Variants in CELF4 observed in about 807,000 individuals in gnomAD.
CELF4 encodes the protein CUGBP Elav-like family member 4, also known as CUG-BP- and ETR-3-like factor 4.
Under a neutral mutation model 59.9 loss-of-function variants are expected in CELF4, and 18 were observed. That is an observed-to-expected ratio of 0.30 (90% CI 0.21 to 0.45). CELF4 has a LOEUF of 0.45. Among genes scored for constraint, CELF4 ranks in the 20% least tolerant of loss-of-function variants. The pLI, the probability that CELF4 is intolerant of heterozygous loss-of-function variation, is 1.00. For synonymous variants in CELF4, 261 were observed against 267.1 expected, an observed-to-expected ratio of 0.98 and a Z score of 0.22; for missense variants, 456 against 689.0, an observed-to-expected ratio of 0.66 and a Z score of 3.79.
chr18:37,460,846 C>T (rs1219100070), intron 2 of CELF4, among the ~76,000 whole-genome samples: 2 of 152,198 alleles, frequency 1.3e-5, no homozygotes, highest in African/African-American at 4.8e-5. Flanking sequence ...GCATCAACAC[C>T]AAGTAACAGC....
chr18:37,533,109 C>T (rs2099970834), intron 1 of CELF4, among the ~76,000 whole-genome samples: 1 of 152,264 alleles, frequency 6.6e-6, no homozygotes, highest in Non-Finnish European at 1.5e-5. Context: ...CCCAGCCACT[C>T]CAGATACCAT....
At chr18:37,278,047 A>T (rs1239741985) in intron 3 of CELF4, among the ~76,000 whole-genome samples, 1 of 151,794 alleles carries the variant, frequency 6.6e-6, no homozygotes. Flanking sequence ...ATTCATCCAC[A>T]TGTGCCTTTC....
intron 2 of CELF4, among the ~76,000 whole-genome samples, chr18:37,349,412 G>C (rs1376887179): frequency 3.3e-5 from 5 of 152,234 alleles, no homozygotes; most frequent in Non-Finnish European, 7.3e-5. Flanking sequence ...ACCGTGGCTG[G>C]ATTCTTTCTG....
chr18:37,406,488 T>C (rs908212599), intron 2 of CELF4, among the ~76,000 whole-genome samples: 2 of 152,100 alleles, frequency 1.3e-5, no homozygotes, highest in Non-Finnish European at 2.9e-5. Context: ...AGAGGGTGAA[T>C]GTGCTGCTGG....
intron 3 of CELF4, among the ~76,000 whole-genome samples, chr18:37,282,399 C>CA (rs1425400770): frequency 6.6e-6 from 1 of 152,206 alleles, no homozygotes; most frequent in Non-Finnish European, 1.5e-5. Flanking sequence ...AGCATCCCTA[C>CA]ATGGCATTTC....
chr18:37,563,512 G>A (rs199872726), intron 1 of CELF4, among the ~76,000 whole-genome samples: 2 of 152,190 alleles, frequency 1.3e-5, no homozygotes, highest in East Asian at 3.9e-4. Context: ...ACCTTGATTA[G>A]CTTCTAGGAA....
intron 2 of CELF4, among the ~76,000 whole-genome samples, chr18:37,441,977 A>ACCCT (rs1294118232): frequency 1.7e-4 from 22 of 127,832 alleles, no homozygotes; most frequent in African/African-American, 6.6e-4. Flanking sequence ...AACCGCAAAG[A>ACCCT]ACCTAGATGA....
chr18:37,537,500 C>T (rs1446993828), intron 1 of CELF4, among the ~76,000 whole-genome samples: 14 of 152,136 alleles, frequency 9.2e-5, no homozygotes, highest in Non-Finnish European at 1.2e-4. Flanking sequence ...AGTTCCCGGT[C>T]GGGTCTCTGT....
At position 37,270,750 on chromosome 18, in the gene CELF4, G is replaced by T; in HGVS notation, c.1099+18C>A. ...GAATGTGCTGCATACGGAAATAAGT[G>T]CTGACAGATGTGCTTACCTGGGTAG... On this transcript the variant is annotated intron_variant, in intron 8 of 12. Coordinates refer to ENST00000420428, the MANE Select transcript of CELF4 (RefSeq NM_020180.4). The T allele has an allele frequency of 6.2e-7, 1 of 1,613,658 alleles. No homozygotes were observed. The highest frequency in any genetic ancestry group is 8.5e-7 in the Non-Finnish European group (1 of 1,179,824).
chr18:37,559,757 C>G (rs1304969092), intron 1 of CELF4, among the ~76,000 whole-genome samples: 2 of 152,198 alleles, frequency 1.3e-5, no homozygotes, highest in Admixed American at 1.3e-4. Flanking sequence ...AGAAGCCCCT[C>G]TTCCCTCCTG....
At chr18:37,525,723 A>T (rs1034180432) in intron 1 of CELF4, among the ~76,000 whole-genome samples, 5 of 152,130 alleles carry the variant, frequency 3.3e-5, no homozygotes, top group Non-Finnish European at 7.3e-5. Context: ...ATGAACATTT[A>T]CATTGATCAG....
At chr18:37,466,559 T>C (rs766319032) in intron 2 of CELF4, among the ~76,000 whole-genome samples, 76 of 152,294 alleles carry the variant, frequency 5.0e-4, no homozygotes, top group South Asian at 1.0e-3. Context: ...AAAGTGGGTC[T>C]GGTCCCAAGG....
At chr18:37,516,159 C>A (rs1022707493) in intron 1 of CELF4, among the ~76,000 whole-genome samples, 1 of 152,200 alleles carries the variant, frequency 6.6e-6, no homozygotes, top group African/African-American at 2.4e-5. Context: ...TTACTGGCTT[C>A]TCATCATCCT....
chr18:37,350,738 T>A, intron 2 of CELF4, among the ~76,000 whole-genome samples: 1 of 152,194 alleles, frequency 6.6e-6, no homozygotes, highest in East Asian at 1.9e-4. Context: ...TCTCTCCGAG[T>A]CTAGCAGGCT....
intron 2 of CELF4, among the ~76,000 whole-genome samples, chr18:37,403,057 A>C (rs2099348464): frequency 6.6e-6 from 1 of 151,438 alleles, no homozygotes; most frequent in African/African-American, 2.4e-5. Flanking sequence ...GAGGGCTGGG[A>C]GGAAGGGAAG....
Position 37,273,391 on chromosome 18 carries a change from T to G in CELF4, c.802-228A>C. 4 of 1,284,772 alleles carry G rather than the reference T, an allele frequency of 3.1e-6. No homozygotes were observed. In the South Asian group the frequency reaches 9.8e-5, roughly 31 times the overall value. The allele number at this position is 1,284,772 out of a possible 1,614,324, so 79.6% of individuals were successfully genotyped here. On this transcript the variant is annotated intron_variant, in intron 6 of 12. Transcript: ENST00000420428. ...TATTTAAAAGTAATGCTAGGGTCTT[T>G]GGAACTCCAAAGTTGTTGCTAGGGG... is the stretch of plus-strand genomic sequence containing the variant.
At chr18:37,419,126 T>C (rs1024198879) in intron 2 of CELF4, among the ~76,000 whole-genome samples, 62 of 152,160 alleles carry the variant, frequency 4.1e-4, no homozygotes, top group African/African-American at 1.5e-3. Flanking sequence ...CCTCTCTATT[T>C]CCTCAGCACC....
chr18:37,389,233 A>C (rs1020407983), intron 2 of CELF4, among the ~76,000 whole-genome samples: 1 of 152,092 alleles, frequency 6.6e-6, no homozygotes. Flanking sequence ...GCACGGTGAG[A>C]CATTCAAATT....
chr18:37,433,954 T>C (rs913734453), intron 2 of CELF4, among the ~76,000 whole-genome samples: 1 of 152,202 alleles, frequency 6.6e-6, no homozygotes, highest in East Asian at 1.9e-4. Context: ...TATTTAGTTA[T>C]TCTTCCCACA....
Sources: allele counts gnomAD v4.1 joint callset (sites outside exome capture counted in the v4.1 genomes callset), GRCh38; gene constraint gnomAD v4.1.1; transcripts MANE v1.5; gene names NCBI Gene and HGNC (gene_info 2026-07-23, HGNC 2026-07-21).